Variants in CEP131 observed in about 807,000 individuals in gnomAD.
The protein encoded by CEP131 is centrosomal protein 131, also known as centrosomal protein of 131 kDa.
Under a neutral mutation model 136.8 loss-of-function variants are expected in CEP131, and 99 were observed. The ratio of observed to expected loss-of-function variants is 0.72; its 90% CI spans 0.62 to 0.86. The LOEUF is 0.86. CEP131 is among the 40% of genes least tolerant of loss of function. The pLI, the probability that CEP131 is intolerant of heterozygous loss-of-function variation, is 0.00. For synonymous variants in CEP131, 646 were observed against 612.7 expected (o/e 1.05, Z -0.80); for missense variants, 1,459 against 1,463.0 (o/e 1.00, Z 0.04).
In CEP131 at chr17:81,215,681, G is replaced by T. The variant is rs1006657321; in HGVS notation, c.177+4199C>A. On this transcript the variant is annotated intron_variant, in intron 2 of 25. Transcript: ENST00000450824. This position sits in a 1 kb window ranked among gnomAD's most constrained non-coding sequence, Gnocchi z 4.1. Reference sequence around the variant, plus strand: ...CCCACCTCGGCGTCCCAAAGTGCTGGGATTACAGGCACGGGCCACCGCACC... The same window carrying T: ...CCCACCTCGGCGTCCCAAAGTGCTGTGATTACAGGCACGGGCCACCGCACC... 1.1e-4 allele frequency among the ~76,000 whole-genome samples: 17 copies of T among 152,188 alleles called. No individual in the cohort carries two copies. Among genetic ancestry groups the T allele is most frequent in the African/African-American group, 3.9e-4 (16 of 41,528 alleles).
At chr17:81,193,435 C>T (rs1187687263) in intron 18 of CEP131, among the ~76,000 whole-genome samples, 1 of 152,170 alleles carries the variant, frequency 6.6e-6, no homozygotes, top group Admixed American at 6.5e-5. Flanking sequence ...GCTGCCACTG[C>T]CCCCTGTGGC....
chr17:81,203,357 C>T lies in CEP131; in HGVS notation c.629+137G>A. 2.9e-6 allele frequency: 2 copies of T among 682,576 alleles called. No individual in the cohort carries two copies. Among genetic ancestry groups the T allele is most frequent in the Non-Finnish European group, 5.0e-6 (2 of 399,884 alleles). 42.3% of individuals were successfully genotyped at this position (682,576 alleles called of 1,614,324 possible). On this transcript the variant is annotated intron_variant, in intron 6 of 25. Coordinates refer to ENST00000450824, the MANE Select transcript of CEP131 (RefSeq NM_014984.4). This position sits in a 1 kb window ranked among gnomAD's most constrained non-coding sequence, Gnocchi z 4.6. ...CGAGGTTGGACCCCATGCACACTGACCGCATGCCCTGACCAAGGTAGAACC... is the reference window on the plus strand; with the variant it reads ...CGAGGTTGGACCCCATGCACACTGATCGCATGCCCTGACCAAGGTAGAACC...
At chr17:81,218,642 C>G (rs916454719) in intron 2 of CEP131, among the ~76,000 whole-genome samples, 1 of 152,286 alleles carries the variant, frequency 6.6e-6, no homozygotes, top group Non-Finnish European at 1.5e-5. Flanking sequence ...GGTCCCCGCC[C>G]TGCTGGCCCA....
chr17:81,204,787 G>A (rs1477583112), intron 5 of CEP131, among the ~76,000 whole-genome samples: 1 of 151,822 alleles, frequency 6.6e-6, no homozygotes, highest in Non-Finnish European at 1.5e-5. Flanking sequence ...CCAGGCACCA[G>A]CCCACGCCCA....
At chr17:81,214,282 C>T (rs139631279) in intron 2 of CEP131, among the ~76,000 whole-genome samples, 26 of 152,276 alleles carry the variant, frequency 1.7e-4, no homozygotes, top group Non-Finnish European at 3.2e-4. Context: ...ACAGTCACGC[C>T]GGAGGCTCAC....
rs755155327 is a variant in CEP131 at position 81,194,001 on chromosome 17, G to A, written c.2246C>T (p.Ala749Val). The A allele has an allele frequency of 5.1e-6, 8 of 1,557,860 alleles. No individual in the cohort carries two copies. In the East Asian group the frequency reaches 1.9e-4, roughly 36 times the overall value. ...ERASQRCLRQ[A>V]EELREQLERE... ...CTCCAGCTGCTCCCGCAGCTCCTCG[G>A]CCTGGCGCAGGCAGCGCTGCGAGGC... The change falls in exon 18 of 26, where the codon GCC (alanine) becomes GTC (valine). Residue 749 changes from alanine to valine, a missense_variant. Around this residue, in one of 3 missense-constraint regions of CEP131, gnomAD observed 1,026 missense variants for 964.2 expected, o/e 1.06. Coordinates refer to ENST00000450824, the MANE Select transcript of CEP131 (RefSeq NM_014984.4).
Position 81,216,048 on chromosome 17 carries a change from CT to C in CEP131, c.177+3831del, listed in dbSNP as rs200388574. On this transcript the variant is annotated intron_variant, in intron 2 of 25. Transcript: ENST00000450824. The stretch of plus-strand genomic sequence containing the variant: ...AAGGACCAGCAACCTAGTGAGACCC[CT>C]GTCCCTACAAAAAAATTAAAAATTA... 5.0e-3 allele frequency among the ~76,000 whole-genome samples: 757 copies of C among 152,098 alleles called. 19 individuals are homozygous for C. In the East Asian group the frequency reaches 0.062, roughly 13 times the overall value.
intron 2 of CEP131, among the ~76,000 whole-genome samples, chr17:81,214,849 T>C (rs2062211175): frequency 6.6e-6 from 1 of 152,030 alleles, no homozygotes; most frequent in South Asian, 2.1e-4. Flanking sequence ...CTCGGCTCAC[T>C]GCAAGTTCCG....
intron 25 of CEP131, 29 bp downstream of exon 25, chr17:81,189,886 G>T (rs757981884): frequency 3.7e-6 from 6 of 1,612,614 alleles, no homozygotes; most frequent in South Asian, 2.2e-5. Flanking sequence ...CAGCCCCGAG[G>T]TCCAGCAGGG....
At position 81,197,833 on chromosome 17, in the gene CEP131, C is replaced by A; in HGVS notation, c.1526G>T (p.Ser509Ile). The A allele has an allele frequency of 6.2e-7, 1 of 1,613,244 alleles. No individual in the cohort carries two copies. The highest frequency in any genetic ancestry group is 8.5e-7 in the Non-Finnish European group (1 of 1,179,918). The change falls in exon 13 of 26, where the codon AGT becomes ATT. Residue 509 changes from serine (S) to isoleucine (I), a missense_variant. By Grantham distance (142) the Ser-to-Ile change is moderately radical (BLOSUM62 -2). Coordinates refer to ENST00000450824, the MANE Select transcript of CEP131 (RefSeq NM_014984.4). ...ADNLEKFGKLSAFPEPPEDGT... is the reference protein window; with the variant it reads ...ADNLEKFGKLIAFPEPPEDGT... ...ATCCTCAGGAGGTTCGGGGAACGCA[C>A]TGAGTTTTCCAAATTTCTCCAAGTT...
intron 5 of CEP131, among the ~76,000 whole-genome samples, chr17:81,204,704 C>CCACACCTGCACCAGCCTGCACCTGCACT: frequency 6.6e-6 from 1 of 151,648 alleles, no homozygotes; most frequent in East Asian, 1.9e-4. Context: ...GCACCTGCAC[C>CCACACCTGCACCAGCCTGCACCTGCACT]GGACCACACC....
chr17:81,199,011 C>A (rs2061830315), intron 10 of CEP131, 40 bp from the exon 11 acceptor site: 2 of 1,466,354 alleles, frequency 1.4e-6, no homozygotes, highest in Non-Finnish European at 1.8e-6. Flanking sequence ...AGGGAGCATC[C>A]CGGGGCGGGC....
Position 81,200,200 on chromosome 17 carries a change from C to T in CEP131, c.906+129G>A, listed in dbSNP as rs1305403958. Reference sequence around the variant, plus strand: ...CGGGGACCCAGGGTCAAGAAGGATGCTGCACCCAGAGACGGGGCCCACGAG... The same window carrying T: ...CGGGGACCCAGGGTCAAGAAGGATGTTGCACCCAGAGACGGGGCCCACGAG... On this transcript the variant is annotated intron_variant, in intron 8 of 25. Coordinates refer to ENST00000450824, the MANE Select transcript of CEP131 (RefSeq NM_014984.4). The T allele has an allele frequency of 2.2e-5, 16 of 742,580 alleles. No homozygotes were observed. In the Middle Eastern group the frequency reaches 7.8e-4, roughly 36 times the overall value. The allele number at this position is 742,580 out of a possible 1,614,324, so 46.0% of individuals were successfully genotyped here.
At position 81,199,820 on chromosome 17, in the gene CEP131, A is replaced by G; in HGVS notation, c.922T>C (p.Ser308Pro). 6.2e-7 allele frequency: 1 copy of G among 1,611,098 alleles called. No homozygotes were observed. Among genetic ancestry groups the G allele is most frequent in the Non-Finnish European group, 8.5e-7 (1 of 1,179,910 alleles). ...QAKREEQRQR[S>P]GEGTLLDLHQ... ...AGGTCCAAGAGGGTCCCCTCGCCTG[A>G]CCGCTGCCGCTGCTCCTGCCAAAGA... is the stretch of plus-strand genomic sequence containing the variant. The change falls in exon 9 of 26, where the codon TCA becomes CCA. Residue 308 changes from serine (S) to proline (P), a missense_variant. By Grantham distance (74) the Ser-to-Pro change is moderately conservative. Coordinates refer to ENST00000450824, the MANE Select transcript of CEP131 (RefSeq NM_014984.4).
Position 81,198,147 on chromosome 17 carries a change from G to A in CEP131, c.1438C>T (p.His480Tyr), listed in dbSNP as rs780597495. The change falls in exon 12 of 26, where the codon CAT (histidine) becomes TAT (tyrosine). Residue 480 changes from histidine to tyrosine, a missense_variant. His to Tyr is a moderately conservative substitution (Grantham distance 83). Coordinates refer to ENST00000450824, the MANE Select transcript of CEP131 (RefSeq NM_014984.4). ...EPDVLPRPRT[H>Y]HRGRYAWASE... ...GCCCAGGCGTATCTGCCCCTGTGAT[G>A]GGTCCTGGGGCGGGGCAGCACGTCC... 5.1e-6 allele frequency: 8 copies of A among 1,574,000 alleles called. No homozygotes were observed. Among genetic ancestry groups the A allele is most frequent in the African/African-American group, 2.7e-5 (2 of 73,996 alleles).
In CEP131 at chr17:81,215,986, G is replaced by A. The variant is rs2062237047; in HGVS notation, c.177+3894C>T. On this transcript the variant is annotated intron_variant, in intron 2 of 25. Coordinates refer to ENST00000450824, the MANE Select transcript of CEP131 (RefSeq NM_014984.4). The surrounding 1 kb of genome is among the most constrained non-coding windows in gnomAD (Gnocchi z 4.1). ...CACACCCGTAATCCCAGCACTTTGG[G>A]AGGCCGAGGTGGGAGGATCGCTTCA... Among the ~76,000 whole-genome samples, 1 of 152,130 alleles carries A rather than the reference G, an allele frequency of 6.6e-6. No individual in the cohort carries two copies. The highest frequency in any genetic ancestry group is 2.4e-5 in the African/African-American group (1 of 41,418).
chr17:81,204,597 A>G (rs1387501668), intron 5 of CEP131, among the ~76,000 whole-genome samples: 1 of 152,180 alleles, frequency 6.6e-6, no homozygotes. Flanking sequence ...GCAAAGACCA[A>G]CATGTCAGAG....
In CEP131 at chr17:81,219,434, C is replaced by T. The variant is rs1270314643; in HGVS notation, c.177+446G>A. 6.6e-6 allele frequency among the ~76,000 whole-genome samples: 1 copy of T among 151,858 alleles called. No homozygotes were observed. The highest frequency in any genetic ancestry group is 1.5e-5 in the Non-Finnish European group (1 of 67,998). ...TCAGCCTCCCGAGTAGCTAGGATTA[C>T]AGGCATGCACCACCATGCCCGGCTA... On this transcript the variant is annotated intron_variant, in intron 2 of 25. Coordinates refer to ENST00000450824, the MANE Select transcript of CEP131 (RefSeq NM_014984.4). This position sits in a 1 kb window ranked among gnomAD's most constrained non-coding sequence, Gnocchi z 4.0.
chr17:81,209,207 C>A (rs576134188), intron 2 of CEP131, among the ~76,000 whole-genome samples, 185 bp from the exon 3 acceptor site: 28 of 152,236 alleles, frequency 1.8e-4, no homozygotes, highest in African/African-American at 6.5e-4. Flanking sequence ...AGCAGGGCAG[C>A]GCGAGGGGGG....
Sources: gnomAD v4.1 joint callset for allele counts (sites outside exome capture counted in the v4.1 genomes callset) on GRCh38, gnomAD v4.1.1 for gene constraint, gnomAD v4.1.1 regional missense constraint, Gnocchi (gnomAD v3.1) non-coding constraint, MANE v1.5 for transcripts, NCBI Gene and HGNC (gene_info 2026-07-23, HGNC 2026-07-21) for gene names.